Variants in RGS7 observed in about 807,000 individuals in gnomAD.
RGS7 encodes regulator of G-protein signaling 7.
In RGS7, 27 loss-of-function variants were observed where a neutral mutation model predicts 81.1. The observed-to-expected ratio is 0.33, with a 90% confidence interval of 0.25 to 0.46. The LOEUF is 0.46. Ranked by LOEUF, RGS7 falls within the 20% of genes least tolerant of loss-of-function variation. The probability of loss-of-function intolerance (pLI) is 1.00; values close to 1 mark genes in which losing one functional copy is unlikely to be tolerated. For synonymous variants in RGS7, 208 were observed against 207.7 expected (o/e 1.00, Z -0.01); for missense variants, 396 against 607.4 (o/e 0.65, Z 3.66).
chr1:240,988,080 C>A (rs945718299), intron 3 of RGS7, among the ~76,000 whole-genome samples: 1 of 151,970 alleles, frequency 6.6e-6, no homozygotes, highest in Non-Finnish European at 1.5e-5. Context: ...GAAACGACAT[C>A]ATACTCATCA....
chr1:240,910,740 CAG>C (rs1489017997), intron 6 of RGS7, among the ~76,000 whole-genome samples: 25 of 151,790 alleles, frequency 1.6e-4, no homozygotes, highest in Admixed American at 1.6e-3. Context: ...TTTTTTGAGA[CAG>C]AGTCTCACTC....
At chr1:240,904,778 G>A (rs1670555608) in intron 6 of RGS7, among the ~76,000 whole-genome samples, 1 of 152,164 alleles carries the variant, frequency 6.6e-6, no homozygotes, top group Non-Finnish European at 1.5e-5. Context: ...TTAGTCCACA[G>A]AAGAATAATA....
At chr1:241,001,748 G>C (rs146857174) in intron 3 of RGS7, among the ~76,000 whole-genome samples, 226 of 152,280 alleles carry the variant, frequency 1.5e-3, no homozygotes, top group African/African-American at 5.0e-3. Flanking sequence ...ACTATGGAGA[G>C]AGTAAAAAGA....
chr1:241,306,112 T>C (rs2080098050), intron 2 of RGS7, among the ~76,000 whole-genome samples: 1 of 136,552 alleles, frequency 7.3e-6, no homozygotes, highest in Non-Finnish European at 1.6e-5. Flanking sequence ...GCTATATTCT[T>C]TCTCTCATCT....
intron 6 of RGS7, among the ~76,000 whole-genome samples, chr1:240,895,736 C>T (rs7417363): frequency 0.13 from 19,369 of 151,926 alleles, 1,333 homozygotes; most frequent in Middle Eastern, 0.18. Flanking sequence ...TGAATAGTGC[C>T]GCAATAAACG....
intron 2 of RGS7, among the ~76,000 whole-genome samples, chr1:241,342,650 CTTAGTGG>C (rs1250853613): frequency 6.6e-6 from 1 of 152,178 alleles, no homozygotes; most frequent in Non-Finnish European, 1.5e-5. Context: ...AGACAGAAAT[CTTAGTGG>C]TTGTATAGTC....
intron 6 of RGS7, among the ~76,000 whole-genome samples, chr1:240,891,672 C>A (rs1668313625): frequency 6.6e-6 from 1 of 152,156 alleles, no homozygotes; most frequent in Non-Finnish European, 1.5e-5. Context: ...CATTCTTAGT[C>A]TCCTAATTCC....
At chr1:241,104,503 T>C (rs2064979752) in intron 2 of RGS7, among the ~76,000 whole-genome samples, 1 of 152,216 alleles carries the variant, frequency 6.6e-6, no homozygotes, top group Admixed American at 6.5e-5. Context: ...GAAAGGGAAA[T>C]GAGATGGCAT....
chr1:240,989,366 C>G (rs1251703107), intron 3 of RGS7, among the ~76,000 whole-genome samples: 1 of 151,576 alleles, frequency 6.6e-6, no homozygotes, highest in Non-Finnish European at 1.5e-5. Context: ...AACCAGGGAG[C>G]TCGAGGTTGC....
intron 4 of RGS7, among the ~76,000 whole-genome samples, chr1:240,937,934 T>A (rs183629308): frequency 6.6e-6 from 1 of 152,210 alleles, no homozygotes; most frequent in East Asian, 1.9e-4. Flanking sequence ...GTAATACTCA[T>A]ACTGTTTATA....
intron 3 of RGS7, among the ~76,000 whole-genome samples, chr1:241,068,257 T>TATATATATATATATATATATA (rs1433690559): frequency 9.6e-5 from 7 of 73,266 alleles, no homozygotes; most frequent in Admixed American, 1.9e-4. Flanking sequence ...TATATATATA[T>TATATATATATATATATATATA]AAAATATTGT....
At chr1:240,885,304 G>T (rs879215702) in intron 6 of RGS7, among the ~76,000 whole-genome samples, 1 of 152,098 alleles carries the variant, frequency 6.6e-6, no homozygotes, top group Admixed American at 6.5e-5. Flanking sequence ...CTCTTGGTGG[G>T]AGTGTAAATT....
chr1:241,186,792 G>T (rs1160310761), intron 2 of RGS7, among the ~76,000 whole-genome samples: 1 of 151,972 alleles, frequency 6.6e-6, no homozygotes, highest in Admixed American at 6.6e-5. Context: ...CTCCCAAAGT[G>T]CTGAGATTAC....
chr1:241,012,833 G>A (rs2059025263), intron 3 of RGS7, among the ~76,000 whole-genome samples: 1 of 152,116 alleles, frequency 6.6e-6, no homozygotes, highest in Non-Finnish European at 1.5e-5. Context: ...ACTTTTAAAG[G>A]TCTAGCAGAG....
At chr1:240,865,318 T>G (rs978176877) in intron 9 of RGS7, among the ~76,000 whole-genome samples, 1 of 152,178 alleles carries the variant, frequency 6.6e-6, no homozygotes, top group East Asian at 1.9e-4. Context: ...GTGTACACAA[T>G]AGGACAGTCT....
chr1:241,100,495 G>C (rs2064654144), intron 2 of RGS7, among the ~76,000 whole-genome samples: 1 of 151,854 alleles, frequency 6.6e-6, no homozygotes, highest in African/African-American at 2.4e-5. Context: ...ACTATGAACA[G>C]ATGTATTACT....
intron 2 of RGS7, among the ~76,000 whole-genome samples, chr1:241,341,870 C>CT (rs35903618): frequency 0.024 from 2,163 of 89,390 alleles, 61 homozygotes; most frequent in African/African-American, 0.031. Context: ...CTCTTCAACT[C>CT]TTTTTTTTTT....
At position 240,900,239 on chromosome 1, in the gene RGS7, TTTAGCTCAGAGAAGTTTGTTA is replaced by T. The variant is rs1669759496; in HGVS notation, c.386-30141_386-30121del. Among the ~76,000 whole-genome samples the T allele has an allele frequency of 2.0e-5, 3 of 152,326 alleles. No individual in the cohort carries two copies. In the South Asian group the frequency reaches 6.2e-4, roughly 32 times the overall value. On this transcript the variant is annotated intron_variant, in intron 6 of 18. Coordinates refer to ENST00000440928, the MANE Select transcript of RGS7 (RefSeq NM_001364886.1). ...TTTGAAATGGGTTTGAACATCCTCC[TTTAGCTCAGAGAAGTTTGTTA>T]TTACCGATCGTCTGAAGCCTTCTTC...
At chr1:240,901,066 G>C (rs903165542) in intron 6 of RGS7, among the ~76,000 whole-genome samples, 3 of 152,188 alleles carry the variant, frequency 2.0e-5, no homozygotes, top group African/African-American at 7.2e-5. Context: ...AGTGAGCGAG[G>C]CTCCGTGGGT....
Sources: allele counts gnomAD v4.1 joint callset (sites outside exome capture counted in the v4.1 genomes callset), GRCh38; gene constraint gnomAD v4.1.1; transcripts MANE v1.5; gene names NCBI Gene and HGNC (gene_info 2026-07-23, HGNC 2026-07-21).